CHL1: variants seen among roughly 807,000 people sequenced by gnomAD.
The protein encoded by CHL1 is neural cell adhesion molecule L1-like protein.
Under a neutral mutation model 141.9 loss-of-function variants are expected in CHL1, and 96 were observed. That is an observed-to-expected ratio of 0.68 (90% CI 0.57 to 0.80). The LOEUF is 0.80. Ranked by LOEUF, CHL1 falls within the 30% of genes least tolerant of loss-of-function variation. CHL1 has a pLI of 0.00. For synonymous variants in CHL1, 613 were observed against 502.2 expected (o/e 1.22, Z -2.95); for missense variants, 1,820 against 1,457.2 (o/e 1.25, Z -4.05).
In CHL1 at chr3:398,018, C is replaced by T. The variant is rs560022919; in HGVS notation, c.3095-209C>T. On this transcript the variant is annotated intron_variant, in intron 24 of 27. Transcript: ENST00000256509. ...ACAGTACCATTTCATCTTAAATGGC[C>T]ATGCATTGAGTTCATTTCATTTACT... is the stretch of plus-strand genomic sequence containing the variant. Among the ~76,000 whole-genome samples, 3 of 152,122 alleles carry T rather than the reference C, an allele frequency of 2.0e-5. No homozygotes were observed. In the South Asian group the frequency reaches 6.2e-4, roughly 32 times the overall value.
chr3:360,336 C>T lies in CHL1; in HGVS notation c.1218C>T (p.Asn406=). 3.1e-6 allele frequency: 5 copies of T among 1,613,808 alleles called. No individual in the cohort carries two copies. Among genetic ancestry groups the T allele is most frequent in the Non-Finnish European group, 3.4e-6 (4 of 1,179,802 alleles). ...VVFPREISFT[N]LQPNHTAVYQ... is the part of the protein sequence containing the mutation. ...TCCCCAGGGAAATCAGTTTTACCAA[C>T]CTTCAACCAAATCATACTGCTGTGT... The change falls in exon 12 of 28, where the codon AAC becomes AAT. Residue 406 remains asparagine, a synonymous_variant. Coordinates refer to ENST00000256509, the MANE Select transcript of CHL1 (RefSeq NM_006614.4).
intron 5 of CHL1, among the ~76,000 whole-genome samples, chr3:334,119 C>T (rs1701678665): frequency 6.6e-6 from 1 of 151,994 alleles, no homozygotes; most frequent in South Asian, 2.1e-4. Context: ...ACCATGCCCA[C>T]CTATAAACAT....
chr3:296,482 C>G (rs1389863397), intron 2 of CHL1, among the ~76,000 whole-genome samples: 1 of 151,928 alleles, frequency 6.6e-6, no homozygotes, highest in Non-Finnish European at 1.5e-5. Context: ...TGTCACTGAC[C>G]TCTTCATGAA....
Position 337,186 on chromosome 3 carries a change from TTTTTG to T in CHL1, c.386-3603_386-3599del, listed in dbSNP as rs1445259370. ...AATGGGATTTCCAAACATTCTTTTG[TTTTTG>T]TTTTTTTTTTTTTTTTTGAGACGGG... On this transcript the variant is annotated intron_variant, in intron 5 of 27. Coordinates refer to ENST00000256509, the MANE Select transcript of CHL1 (RefSeq NM_006614.4). 4.8e-4 allele frequency among the ~76,000 whole-genome samples: 26 copies of T among 54,496 alleles called. 1 individual carries two copies. The highest frequency in any genetic ancestry group is 1.8e-3 in the African/African-American group (23 of 12,976). The allele number at this position is 54,496 out of a possible 152,430, so 35.8% of individuals were successfully genotyped here.
At position 198,743 on chromosome 3, in the gene CHL1, T is replaced by A. The variant is rs1466614455; in HGVS notation, c.-175+1680T>A. ...CTCAGTTTAATTACATATGGTGCAT[T>A]TTCATTTCTCTGCATTTTCATTGAA... is the stretch of plus-strand genomic sequence containing the variant. On this transcript the variant is annotated intron_variant, in intron 1 of 27. Coordinates refer to ENST00000256509, the MANE Select transcript of CHL1 (RefSeq NM_006614.4). Among the ~76,000 whole-genome samples, 32 of 152,244 alleles carry A rather than the reference T, an allele frequency of 2.1e-4. 1 individual carries two copies. The highest frequency in any genetic ancestry group is 2.1e-3 in the Admixed American group (32 of 15,292).
intron 15 of CHL1, among the ~76,000 whole-genome samples, chr3:367,456 CT>C (rs1705047657): frequency 6.6e-6 from 1 of 152,094 alleles, no homozygotes; most frequent in Admixed American, 6.6e-5. Flanking sequence ...CATCTTTGTG[CT>C]TTAGTTTTAA....
In CHL1 at chr3:406,247, A is replaced by C. The variant is rs961449310; in HGVS notation, c.*536A>C. The C allele has an allele frequency of 6.6e-6, 1 of 152,408 alleles. No individual in the cohort carries two copies. The highest frequency in any genetic ancestry group is 2.4e-5 in the African/African-American group (1 of 41,444). 9.4% of individuals were successfully genotyped at this position (152,408 alleles called of 1,614,324 possible). A position where few individuals can be genotyped will look rare whatever the true frequency, so the allele number is the denominator to read the frequency against. On this transcript the variant is annotated 3_prime_UTR_variant, in exon 28 of 28. Coordinates refer to ENST00000256509, the MANE Select transcript of CHL1 (RefSeq NM_006614.4). The stretch of plus-strand genomic sequence containing the variant: ...AATTTATTATTTAAATTTTACTAGC[A>C]AAAGTCTTAGGTGAACAATCAACTA...
intron 2 of CHL1, among the ~76,000 whole-genome samples, chr3:309,605 G>A (rs1026906170): frequency 6.6e-6 from 1 of 151,552 alleles, no homozygotes; most frequent in Non-Finnish European, 1.5e-5. Context: ...AAACTCTGGG[G>A]CTCAAGCAAT....
intron 1 of CHL1, among the ~76,000 whole-genome samples, chr3:219,653 C>T (rs545604670): frequency 6.6e-6 from 1 of 152,254 alleles, no homozygotes; most frequent in Admixed American, 6.5e-5. Flanking sequence ...GATGAGAAAA[C>T]ATGAACACTT....
chr3:240,284 C>A (rs74367627), intron 1 of CHL1, among the ~76,000 whole-genome samples: 1,757 of 152,186 alleles, frequency 0.012, 33 homozygotes, highest in African/African-American at 0.04. Context: ...TTCATTATGG[C>A]CATTCTTGCA....
chr3:398,397 GATT>G lies in CHL1; in HGVS notation c.3253+15_3253+17del, dbSNP rs750198374. On this transcript the variant is annotated intron_variant, in intron 25 of 27. Transcript: ENST00000256509. Reference sequence around the variant, plus strand: ...GACAAGAGGGAGAGGTGAGAAATGAGATTATATTTGGGGAAGTCTTAGTCAATC... The same window carrying G: ...GACAAGAGGGAGAGGTGAGAAATGAGATATTTGGGGAAGTCTTAGTCAATC... 4.5e-6 allele frequency: 7 copies of G among 1,569,238 alleles called. No homozygotes were observed. In the African/African-American group the frequency reaches 9.4e-5, roughly 21 times the overall value.
In CHL1 at chr3:278,632, G is replaced by A. The variant is rs190408080; in HGVS notation, c.-95+33940G>A. ...ATGCGCTGCTTTTTTTTGCTTATCC[G>A]TAAAAAGGATGAGAATAAATTGTAT... is the stretch of plus-strand genomic sequence containing the variant. On this transcript the variant is annotated intron_variant, in intron 2 of 27. Transcript: ENST00000256509. Among the ~76,000 whole-genome samples, 112 of 152,174 alleles carry A rather than the reference G, an allele frequency of 7.4e-4. 1 individual carries two copies. The highest frequency in any genetic ancestry group is 2.4e-3 in the African/African-American group (101 of 41,534).
intron 15 of CHL1, among the ~76,000 whole-genome samples, chr3:370,399 A>G (rs1455723455): frequency 6.6e-6 from 1 of 152,050 alleles, no homozygotes; most frequent in Non-Finnish European, 1.5e-5. Context: ...TGTTTATAGT[A>G]TTCTTTGATG....
chr3:245,766 T>C lies in CHL1; in HGVS notation c.-95+1074T>C, dbSNP rs562954139. Among the ~76,000 whole-genome samples, 3 of 152,232 alleles carry C rather than the reference T, an allele frequency of 2.0e-5. No individual in the cohort carries two copies. The South Asian group carries it at 6.2e-4, about 32-fold the overall frequency. ...ATGGGTTACTGTTAGCATACCTGGT[T>C]CCTGGTAACCCCCAGCGGCCTTCTA... On this transcript the variant is annotated intron_variant, in intron 2 of 27. Transcript: ENST00000256509.
chr3:293,791 A>C (rs1222632621), intron 2 of CHL1, among the ~76,000 whole-genome samples: 1 of 150,708 alleles, frequency 6.6e-6, no homozygotes, highest in Non-Finnish European at 1.5e-5. Flanking sequence ...TATTTTGTGG[A>C]AAGGCTGGAG....
intron 15 of CHL1, 24 bp downstream of exon 15, chr3:366,139 C>A: frequency 6.2e-7 from 1 of 1,602,162 alleles, no homozygotes; most frequent in South Asian, 1.1e-5. Flanking sequence ...TATGATATGT[C>A]ATAATATTTG....
rs564890020 is a variant in CHL1, at chr3:342,913, C to G, written c.680-71C>G. 5.5e-6 allele frequency: 7 copies of G among 1,267,724 alleles called. No homozygotes were observed. In the South Asian group the frequency reaches 9.9e-5, roughly 18 times the overall value. The allele number at this position is 1,267,724 out of a possible 1,614,324, so 78.5% of individuals were successfully genotyped here. Reference sequence around the variant, plus strand: ...TAATTTTTCTAAGACAAAAATATGACTTTTCATTCTTTATTGATATCAGCA... The same window carrying G: ...TAATTTTTCTAAGACAAAAATATGAGTTTTCATTCTTTATTGATATCAGCA... On this transcript the variant is annotated intron_variant, in intron 7 of 27. Transcript: ENST00000256509.
chr3:386,398 C>T (rs768967490), intron 19 of CHL1, among the ~76,000 whole-genome samples: 4 of 152,064 alleles, frequency 2.6e-5, no homozygotes, highest in Non-Finnish European at 4.4e-5. Context: ...TTAGCATTAC[C>T]TTCAGACATT....
At chr3:364,650 A>G (rs1425839773) in intron 14 of CHL1, among the ~76,000 whole-genome samples, 4 of 151,916 alleles carry the variant, frequency 2.6e-5, no homozygotes, top group South Asian at 4.2e-4. Context: ...TTTTTTTTAC[A>G]TATACAAAAG....
Sources: allele counts gnomAD v4.1 joint callset (sites outside exome capture counted in the v4.1 genomes callset), GRCh38; gene constraint gnomAD v4.1.1; transcripts MANE v1.5; gene names NCBI Gene and HGNC (gene_info 2026-07-23, HGNC 2026-07-21).